CDC73: variants seen among roughly 807,000 people sequenced by gnomAD.
The protein encoded by CDC73 is parafibromin.
CDC73 carries 21 observed loss-of-function variants against 83.7 expected under a neutral mutation model. The observed-to-expected ratio is 0.25, with a 90% confidence interval of 0.18 to 0.36. CDC73 has a LOEUF of 0.36. Ranked by LOEUF, CDC73 falls within the 10% of genes least tolerant of loss-of-function variation. The pLI, the probability that CDC73 is intolerant of heterozygous loss-of-function variation, is 1.00. For synonymous variants in CDC73, 224 were observed against 212.9 expected (o/e 1.05, Z -0.45); for missense variants, 342 against 653.3 (o/e 0.52, Z 5.19).
chr1:193,238,864 T>A (rs1033234474), intron 15 of CDC73, among the ~76,000 whole-genome samples: 28 of 152,210 alleles, frequency 1.8e-4, no homozygotes, highest in Admixed American at 2.6e-4. Flanking sequence ...ATTGAGTAGG[T>A]TGAGGAGGAG....
At chr1:193,210,257 C>T (rs141517482) in intron 11 of CDC73, among the ~76,000 whole-genome samples, 1,951 of 152,170 alleles carry the variant, frequency 0.013, 23 homozygotes, top group Middle Eastern at 0.031. Flanking sequence ...TAAAGGATTA[C>T]AAAGAATTAG....
intron 13 of CDC73, among the ~76,000 whole-genome samples, chr1:193,221,075 G>A (rs1445221084): frequency 1.3e-5 from 2 of 152,094 alleles, no homozygotes; most frequent in Non-Finnish European, 2.9e-5. Flanking sequence ...CAGAGACAAG[G>A]GCTTGTTATT....
At chr1:193,151,672 C>T (rs1676114058) in intron 9 of CDC73, among the ~76,000 whole-genome samples, 1 of 152,168 alleles carries the variant, frequency 6.6e-6, no homozygotes, top group Non-Finnish European at 1.5e-5. Context: ...CCTGTAATCC[C>T]AGCACTTTTG....
At chr1:193,160,915 A>T (rs959481583) in intron 10 of CDC73, among the ~76,000 whole-genome samples, 2 of 151,976 alleles carry the variant, frequency 1.3e-5, no homozygotes, top group Non-Finnish European at 2.9e-5. Flanking sequence ...TGTTGGATCA[A>T]TTTCTCGGTC....
At chr1:193,203,583 T>C (rs1005972005) in intron 10 of CDC73, among the ~76,000 whole-genome samples, 4 of 152,246 alleles carry the variant, frequency 2.6e-5, no homozygotes, top group African/African-American at 4.8e-5. Flanking sequence ...ATGTTTATTA[T>C]GATCTCATGA....
intron 6 of CDC73, 128 bp from the exon 7 acceptor site, chr1:193,141,722 C>G: frequency 1.5e-6 from 1 of 676,694 alleles, no homozygotes; most frequent in Non-Finnish European, 2.6e-6. Context: ...GTCAGTCTTA[C>G]AGATAAGAAA....
At chr1:193,132,515 A>G (rs1269361232) in intron 3 of CDC73, among the ~76,000 whole-genome samples, 1 of 151,718 alleles carries the variant, frequency 6.6e-6, no homozygotes, top group Non-Finnish European at 1.5e-5. Flanking sequence ...GTCTCGCTAC[A>G]TTGTTCAGGC....
intron 15 of CDC73, among the ~76,000 whole-genome samples, chr1:193,239,287 C>A (rs994254956): frequency 3.9e-5 from 6 of 152,088 alleles, no homozygotes; most frequent in African/African-American, 1.2e-4. Flanking sequence ...ATTATCTTAG[C>A]TCTTGGTTGA....
intron 10 of CDC73, among the ~76,000 whole-genome samples, chr1:193,163,808 C>T (rs1296975470): frequency 6.6e-6 from 1 of 152,012 alleles, no homozygotes; most frequent in Non-Finnish European, 1.5e-5. Flanking sequence ...GATGGAGTCT[C>T]ACTCTTGTCA....
intron 10 of CDC73, chr1:193,180,154 C>T (rs1676687430): frequency 1.3e-6 from 1 of 742,624 alleles, no homozygotes; most frequent in Non-Finnish European, 2.0e-6. Context: ...TTAACTTCTT[C>T]AGAAATTAAA....
intron 13 of CDC73, among the ~76,000 whole-genome samples, chr1:193,212,982 A>G (rs1344263964): frequency 6.6e-6 from 1 of 152,198 alleles, no homozygotes; most frequent in Non-Finnish European, 1.5e-5. Context: ...TCATTTCCTT[A>G]TTAAAATGAA....
intron 10 of CDC73, chr1:193,179,284 C>T (rs532584238): frequency 6.6e-6 from 1 of 152,146 alleles, no homozygotes; most frequent in Non-Finnish European, 1.5e-5. Context: ...ATGTGTACAC[C>T]TGCTGTCAGG....
chr1:193,217,496 C>T (rs78788098), intron 13 of CDC73, among the ~76,000 whole-genome samples: 11,496 of 152,074 alleles, frequency 0.076, 627 homozygotes, highest in Non-Finnish European at 0.11. Context: ...CCAGACCCTG[C>T]GTCATTCTGA....
rs16835225 is a variant in CDC73, at chr1:193,232,184, A to G, written c.1155-809A>G. ...TAATTTTCATACTTTAAAATTTTCA[A>G]GGCTACTCTGAAGTTTGATGGTATT... On this transcript the variant is annotated intron_variant, in intron 13 of 16. Transcript: ENST00000367435. 0.024 allele frequency among the ~76,000 whole-genome samples: 3,622 copies of G among 152,262 alleles called. 384 individuals are homozygous for G. The East Asian group carries it at 0.36, about 15-fold the overall frequency.
At chr1:193,179,994 T>A (rs765473653) in intron 10 of CDC73, 10 of 202,916 alleles carry the variant, frequency 4.9e-5, no homozygotes, top group Non-Finnish European at 7.8e-5. Context: ...CATATGCAGA[T>A]ACATTTTATT....
intron 15 of CDC73, among the ~76,000 whole-genome samples, chr1:193,240,117 G>A (rs1677833345): frequency 6.6e-6 from 1 of 152,132 alleles, no homozygotes; most frequent in African/African-American, 2.4e-5. Context: ...AGGAAAATTT[G>A]TCTTTCTGTG....
intron 7 of CDC73, among the ~76,000 whole-genome samples, chr1:193,147,193 C>G (rs1180728157): frequency 1.3e-5 from 2 of 151,524 alleles, no homozygotes; most frequent in African/African-American, 4.9e-5. Context: ...GGGATTTCAC[C>G]GTATTAGCCA....
chr1:193,231,742 T>C (rs1443789219), intron 13 of CDC73, among the ~76,000 whole-genome samples: 1 of 152,168 alleles, frequency 6.6e-6, no homozygotes, highest in Non-Finnish European at 1.5e-5. Context: ...CTAAAAACTT[T>C]CTAGACAATA....
At chr1:193,191,512 C>T (rs373866172) in intron 10 of CDC73, among the ~76,000 whole-genome samples, 12 of 152,060 alleles carry the variant, frequency 7.9e-5, no homozygotes, top group African/African-American at 9.7e-5. Flanking sequence ...GTCAGCCACC[C>T]GAGTAGCTGG....
Sources: gnomAD v4.1 joint callset for allele counts (sites outside exome capture counted in the v4.1 genomes callset) on GRCh38, gnomAD v4.1.1 for gene constraint, MANE v1.5 for transcripts, NCBI Gene and HGNC (gene_info 2026-07-23, HGNC 2026-07-21) for gene names.